ADAM10: variants seen among roughly 807,000 people sequenced by gnomAD.
ADAM10 encodes the protein ADAM metallopeptidase domain 10.
Under a neutral mutation model 90.1 loss-of-function variants are expected in ADAM10, and 17 were observed. The ratio of observed to expected loss-of-function variants is 0.19; its 90% CI spans 0.13 to 0.28. ADAM10 has a LOEUF of 0.28. Among genes scored for constraint, ADAM10 ranks in the 10% least tolerant of loss-of-function variants. The probability of loss-of-function intolerance (pLI) is 1.00; values close to 1 mark genes in which losing one functional copy is unlikely to be tolerated. For synonymous variants in ADAM10, 310 were observed against 298.6 expected, an observed-to-expected ratio of 1.04 and a Z score of -0.40; for missense variants, 610 against 914.3, an observed-to-expected ratio of 0.67 and a Z score of 4.29.
chr15:58,720,404 ATT>A (rs879811536), intron 1 of ADAM10, among the ~76,000 whole-genome samples: 1 of 45,252 alleles, frequency 2.2e-5, no homozygotes, highest in Non-Finnish European at 6.5e-5. Context: ...ATTTTATTTT[ATT>A]TTTTTTTTTT....
chr15:58,648,930 A>G (rs1896620103), intron 5 of ADAM10, among the ~76,000 whole-genome samples: 1 of 151,974 alleles, frequency 6.6e-6, no homozygotes, highest in Non-Finnish European at 1.5e-5. Context: ...GTGCTGTTTT[A>G]CTTTCCATCT....
chr15:58,668,909 C>T (rs1362862390), intron 4 of ADAM10, among the ~76,000 whole-genome samples: 2 of 152,114 alleles, frequency 1.3e-5, no homozygotes, highest in East Asian at 1.9e-4. Context: ...AGCCTTCATT[C>T]CACCTACAAT....
At chr15:58,657,881 G>T in intron 5 of ADAM10, among the ~76,000 whole-genome samples, 1 of 147,996 alleles carries the variant, frequency 6.8e-6, no homozygotes, top group South Asian at 2.3e-4. Flanking sequence ...TTTTAATTGG[G>T]GTTTGTGTTT....
At chr15:58,726,567 CAAAAAAAAAA>C (rs71116593) in intron 1 of ADAM10, among the ~76,000 whole-genome samples, 4 of 20,774 alleles carry the variant, frequency 1.9e-4, no homozygotes, top group African/African-American at 9.1e-4. Context: ...CTCAGTCTCC[CAAAAAAAAAA>C]AAAAAAAAAA....
At chr15:58,697,588 C>T (rs1404156255) in intron 2 of ADAM10, among the ~76,000 whole-genome samples, 1 of 152,164 alleles carries the variant, frequency 6.6e-6, no homozygotes, top group Admixed American at 6.5e-5. Flanking sequence ...CTGGCCTGCC[C>T]AGCCCATTGC....
chr15:58,610,646 C>A (rs1895413426), intron 13 of ADAM10, 129 bp from the exon 14 acceptor site: 2 of 895,432 alleles, frequency 2.2e-6, no homozygotes, highest in African/African-American at 1.7e-5. Flanking sequence ...TTATACAGAC[C>A]TTCTCTAGTT....
At chr15:58,704,549 TTAC>T (rs1313732662) in intron 2 of ADAM10, among the ~76,000 whole-genome samples, 3 of 152,312 alleles carry the variant, frequency 2.0e-5, no homozygotes, top group Admixed American at 6.5e-5. Context: ...GCTTTTCATT[TTAC>T]TACAATAAAA....
chr15:58,683,990 C>T (rs1202945829), intron 2 of ADAM10, among the ~76,000 whole-genome samples: 2 of 151,402 alleles, frequency 1.3e-5, no homozygotes, highest in African/African-American at 4.9e-5. Flanking sequence ...CAAAATGGTA[C>T]AGTATTTGTA....
chr15:58,640,590 A>G (rs550081031), intron 8 of ADAM10, among the ~76,000 whole-genome samples, 187 bp downstream of exon 8: 2 of 152,308 alleles, frequency 1.3e-5, no homozygotes, highest in East Asian at 3.9e-4. Context: ...ATGCGTTTCA[A>G]AATAAAAAGC....
At chr15:58,692,531 C>A in intron 2 of ADAM10, 1 of 525,682 alleles carries the variant, frequency 1.9e-6, no homozygotes, top group Non-Finnish European at 3.9e-6. Flanking sequence ...TCACTGATTT[C>A]CTTCTCTGGT....
At chr15:58,715,052 A>C (rs983136878) in intron 2 of ADAM10, among the ~76,000 whole-genome samples, 5 of 152,180 alleles carry the variant, frequency 3.3e-5, no homozygotes, top group Non-Finnish European at 7.4e-5. Flanking sequence ...AAAATAAACT[A>C]AAATATCTGA....
At chr15:58,728,536 T>C (rs1020226518) in intron 1 of ADAM10, among the ~76,000 whole-genome samples, 1 of 151,892 alleles carries the variant, frequency 6.6e-6, no homozygotes, top group African/African-American at 2.4e-5. Flanking sequence ...GGTGAGGCAT[T>C]CGAGACCAGC....
At chr15:58,662,259 G>A (rs1166577416) in intron 5 of ADAM10, among the ~76,000 whole-genome samples, 1 of 152,176 alleles carries the variant, frequency 6.6e-6, no homozygotes, top group Non-Finnish European at 1.5e-5. Flanking sequence ...TTTCTGCTTA[G>A]GAAGGGCAGG....
At chr15:58,747,999 T>C (rs1223822494) in intron 1 of ADAM10, 1 of 152,208 alleles carries the variant, frequency 6.6e-6, no homozygotes, top group Non-Finnish European at 1.5e-5. Context: ...GAAAGCCACG[T>C]TTAGAACAGA....
chr15:58,618,309 G>T (rs956565275), intron 11 of ADAM10, among the ~76,000 whole-genome samples: 1 of 152,094 alleles, frequency 6.6e-6, no homozygotes, highest in Non-Finnish European at 1.5e-5. Context: ...TGGGAAAACT[G>T]GATACCTATA....
chr15:58,748,615 C>G (rs1440345561), intron 1 of ADAM10: 1 of 265,736 alleles, frequency 3.8e-6, no homozygotes, highest in Non-Finnish European at 7.0e-6. Flanking sequence ...CTACACTGTA[C>G]ATCTACTCCA....
rs1480010785 is a variant in ADAM10 at position 58,597,295 on chromosome 15, T to C, written c.*252A>G. ...GGGCACATAATAATATTCTAAGACT[T>C]TGTGCCATTAAGTTAAAAATATCTG... is the stretch of plus-strand genomic sequence containing the variant. On this transcript the variant is annotated 3_prime_UTR_variant, in exon 16 of 16. Transcript: ENST00000260408. The C allele has an allele frequency of 1.1e-5, 14 of 1,267,092 alleles. No homozygotes were observed. The highest frequency in any genetic ancestry group is 2.5e-5 in the Admixed American group (1 of 40,182). 78.5% of individuals were successfully genotyped at this position (1,267,092 alleles called of 1,614,324 possible).
chr15:58,602,005 C>A (rs1256758299), intron 14 of ADAM10, among the ~76,000 whole-genome samples: 2 of 152,088 alleles, frequency 1.3e-5, no homozygotes, highest in African/African-American at 4.8e-5. Context: ...GTGTTATCTG[C>A]CAAATTTTAC....
intron 2 of ADAM10, chr15:58,692,892 C>A: frequency 1.5e-6 from 1 of 687,392 alleles, no homozygotes. Context: ...CAATGGCTCC[C>A]AAATTATTTA....
Sources: allele counts gnomAD v4.1 joint callset (sites outside exome capture counted in the v4.1 genomes callset), GRCh38; gene constraint gnomAD v4.1.1; transcripts MANE v1.5; gene names NCBI Gene and HGNC (gene_info 2026-07-23, HGNC 2026-07-21).